Variants in ZNF469 observed in about 807,000 individuals in gnomAD.
The protein encoded by ZNF469 is zinc finger protein 469.
ZNF469 carries 1 observed loss-of-function variant against 1.0 expected under a neutral mutation model. The ratio of observed to expected loss-of-function variants is 1.00; its 90% CI spans 0.35 to 4.73. The LOEUF is 4.73. Among genes scored for constraint, ZNF469 ranks in the 30% most tolerant of loss-of-function variants. ZNF469 has a pLI of 0.16. For synonymous variants in ZNF469, 2,703 were observed against 2,363.4 expected (o/e 1.14, Z -4.17); for missense variants, 6,100 against 5,356.3 (o/e 1.14, Z -4.33).
chr16:88,393,348 A>C (rs1406270167), intron 1 of ZNF469, among the ~76,000 whole-genome samples: 1 of 152,188 alleles, frequency 6.6e-6, no homozygotes, highest in African/African-American at 2.4e-5. Context: ...GCCTGCCTGG[A>C]GCTGGGAGCC....
At chr16:88,209,665 G>T in the ZNF469 span, among the ~76,000 whole-genome samples, 2 of 152,158 alleles carry the variant, frequency 1.3e-5, no homozygotes, top group Non-Finnish European at 2.9e-5. Context: ...GCATGTTAGA[G>T]ATAGTCTTTT....
the ZNF469 span, among the ~76,000 whole-genome samples, chr16:88,135,369 A>G: frequency 6.6e-6 from 1 of 152,170 alleles, no homozygotes; most frequent in Non-Finnish European, 1.5e-5. Context: ...GTTGGGGAGA[A>G]TTTGGGGCTG....
the ZNF469 span, among the ~76,000 whole-genome samples, chr16:88,328,353 A>G: frequency 6.6e-6 from 1 of 152,228 alleles, no homozygotes; most frequent in Non-Finnish European, 1.5e-5. Flanking sequence ...CCCAGCCTGC[A>G]CTTCCTTACC....
chr16:88,391,976 CAT>C (rs1904503693), intron 1 of ZNF469, among the ~76,000 whole-genome samples: 1 of 152,176 alleles, frequency 6.6e-6, no homozygotes, highest in Non-Finnish European at 1.5e-5. Flanking sequence ...TAACACATAA[CAT>C]GATACGGTAT....
At chr16:88,102,514 CA>C in the ZNF469 span, among the ~76,000 whole-genome samples, 5 of 152,214 alleles carry the variant, frequency 3.3e-5, no homozygotes, top group African/African-American at 1.2e-4. Context: ...AAAAACAAAA[CA>C]AAACAAACAA....
rs574717797 is a variant in ZNF469, at chr16:88,404,846, T to A, written c.-191-19961T>A. Among the ~76,000 whole-genome samples, 5 of 152,200 alleles carry A rather than the reference T, an allele frequency of 3.3e-5. No individual in the cohort carries two copies. The South Asian group carries it at 1.0e-3, about 32-fold the overall frequency. On this transcript the variant is annotated intron_variant, in intron 1 of 2. Transcript: ENST00000565624. ...GGCACCCAACTGGGTCACCCGTGAATCCCCACCTGGGGTCATGTTGGTCAG... is the reference window on the plus strand; with the variant it reads ...GGCACCCAACTGGGTCACCCGTGAAACCCCACCTGGGGTCATGTTGGTCAG...
the ZNF469 span, among the ~76,000 whole-genome samples, chr16:88,255,802 C>A: frequency 1.3e-5 from 2 of 152,116 alleles, no homozygotes; most frequent in Non-Finnish European, 2.9e-5. Context: ...CTTATCACAG[C>A]CTTAGGATGT....
At chr16:88,423,087 A>G (rs1207224607) in intron 1 of ZNF469, among the ~76,000 whole-genome samples, 1 of 126,712 alleles carries the variant, frequency 7.9e-6, no homozygotes, top group Non-Finnish European at 1.6e-5. Flanking sequence ...TAGATGGATG[A>G]TGATGATGAT....
chr16:88,397,716 AAGAG>A (rs142429391), intron 1 of ZNF469, among the ~76,000 whole-genome samples: 146 of 144,482 alleles, frequency 1.0e-3, no homozygotes, highest in Non-Finnish European at 1.4e-3. Context: ...TACGCGAGGA[AAGAG>A]AGAGAGAGAG....
chr16:88,314,084 G>A, the ZNF469 span, among the ~76,000 whole-genome samples: 11 of 138,998 alleles, frequency 7.9e-5, no homozygotes, highest in South Asian at 7.6e-4. Flanking sequence ...ATATCTCTGT[G>A]ATTATGATGA....
chr16:88,431,695 C>A lies in ZNF469; in HGVS notation c.4225C>A (p.Pro1409Thr). Residue 1409 changes from proline to threonine, a missense_variant, in exon 3 of 3, where the codon CCG becomes ACG. Transcript: ENST00000565624. ...CAAGCCCTCAGCCAGGGATGCCCCG[C>A]CGGCCAGCAGCTCCTGCCTTTGCCA... ...HPKPSARDAP[P>T]ASSSCLCQDG... The A allele has an allele frequency of 6.4e-7, 1 of 1,550,440 alleles. No individual in the cohort carries two copies. Among genetic ancestry groups the A allele is most frequent in the Non-Finnish European group, 8.7e-7 (1 of 1,146,992 alleles).
the ZNF469 span, among the ~76,000 whole-genome samples, chr16:88,247,315 GAGTGA>G: frequency 6.0e-5 from 9 of 150,946 alleles, no homozygotes; most frequent in South Asian, 8.5e-4. Context: ...GTGAGTGAAT[GAGTGA>G]GTGAATGGTG....
In ZNF469 at chr16:88,438,868, G is replaced by A. The variant is rs1906797056; in HGVS notation, c.11398G>A (p.Gly3800Arg). ...TKGPREAGEQ[G>R]PHGSLGPKEK... is the part of the protein sequence containing the mutation. ...GGGGCCAAGGGAAGCTGGTGAGCAG[G>A]GGCCCCACGGGAGCCTAGGTCCCAA... The change falls in exon 3 of 3, where the codon GGG (glycine) becomes AGG (arginine). Residue 3800 changes from glycine (G) to arginine (R), a missense_variant. By Grantham distance (125) the Gly-to-Arg change is moderately radical. Transcript: ENST00000565624. 1 of 1,550,376 alleles carries A rather than the reference G, an allele frequency of 6.5e-7. No homozygotes were observed. Among genetic ancestry groups the A allele is most frequent in the African/African-American group, 1.4e-5 (1 of 73,054 alleles).
chr16:88,283,794 C>T, the ZNF469 span, among the ~76,000 whole-genome samples: 29 of 151,832 alleles, frequency 1.9e-4, no homozygotes, highest in Middle Eastern at 6.8e-3. Context: ...GCTGGTAGAC[C>T]CCCAGTGTGC....
At chr16:88,351,402 T>C in the ZNF469 span, among the ~76,000 whole-genome samples, 1 of 152,044 alleles carries the variant, frequency 6.6e-6, no homozygotes, top group African/African-American at 2.4e-5. Flanking sequence ...GGACGTTAAA[T>C]TCAGGGGATC....
chr16:88,306,949 CT>C, the ZNF469 span, among the ~76,000 whole-genome samples: 7 of 152,190 alleles, frequency 4.6e-5, no homozygotes, highest in African/African-American at 1.7e-4. Context: ...TTCCAGAACA[CT>C]TTTATCACTC....
At chr16:88,256,340 T>C in the ZNF469 span, among the ~76,000 whole-genome samples, 1 of 152,238 alleles carries the variant, frequency 6.6e-6, no homozygotes, top group Admixed American at 6.5e-5. Context: ...TTTGACTTAG[T>C]AATATGCACT....
chr16:88,374,759 A>C, the ZNF469 span, among the ~76,000 whole-genome samples: 9 of 152,204 alleles, frequency 5.9e-5, no homozygotes, highest in South Asian at 1.7e-3. Context: ...CTGTGGGCTG[A>C]GATCGGCGCC....
chr16:88,146,600 C>T, the ZNF469 span, among the ~76,000 whole-genome samples: 1 of 152,206 alleles, frequency 6.6e-6, no homozygotes, highest in South Asian at 2.1e-4. Flanking sequence ...GGGATGGGGA[C>T]AGCTCTTCTC....
Sources: gnomAD v4.1 joint callset for allele counts (sites outside exome capture counted in the v4.1 genomes callset) on GRCh38, gnomAD v4.1.1 for gene constraint, MANE v1.5 for transcripts, NCBI Gene and HGNC (gene_info 2026-07-23, HGNC 2026-07-21) for gene names.